C3orf70: variants seen among roughly 807,000 people sequenced by gnomAD.
The protein encoded by C3orf70 is chromosome 3 open reading frame 70.
C3orf70 carries 15 observed loss-of-function variants against 20.7 expected under a neutral mutation model. The ratio of observed to expected loss-of-function variants is 0.72; its 90% confidence interval spans 0.48 to 1.11. The LOEUF (loss-of-function observed/expected upper bound fraction) is 1.11. Ranked by LOEUF, C3orf70 falls within the 50% of genes most tolerant of loss-of-function variation. The probability of loss-of-function intolerance (pLI) is 0.00; values close to 1 mark genes in which losing one functional copy is unlikely to be tolerated. For missense variants in C3orf70, 332 were observed against 317.6 expected, an observed-to-expected ratio of 1.05 and a Z score of -0.34; for synonymous variants, 161 against 125.7, an observed-to-expected ratio of 1.28 and a Z score of -1.88.
At chr3:185,098,539 T>C (rs939371874) in intron 1 of C3orf70, among the ~76,000 whole-genome samples, 1 of 152,192 alleles carries the variant, frequency 6.6e-6, no homozygotes, top group Non-Finnish European at 1.5e-5. Flanking sequence ...AATCTATAGT[T>C]TTCCCATAAA....
intron 1 of C3orf70, 116 bp downstream of exon 1, chr3:185,152,512 G>T: frequency 1.1e-6 from 1 of 873,594 alleles, no homozygotes; most frequent in Non-Finnish European, 1.6e-6. Flanking sequence ...CTCCGGCAGA[G>T]CAGCCCCGGC....
intron 1 of C3orf70, among the ~76,000 whole-genome samples, chr3:185,140,592 C>T (rs35448490): frequency 0.059 from 9,005 of 151,858 alleles, 373 homozygotes; most frequent in South Asian, 0.1. Flanking sequence ...GGAAGTGGGG[C>T]CTTTGGGAAG....
intron 1 of C3orf70, among the ~76,000 whole-genome samples, chr3:185,125,611 C>T (rs1716394873): frequency 6.6e-6 from 1 of 152,122 alleles, no homozygotes; most frequent in Non-Finnish European, 1.5e-5. Flanking sequence ...TATCCACCAG[C>T]TGATGAATGT....
chr3:185,148,942 G>T (rs1192765015), intron 1 of C3orf70, among the ~76,000 whole-genome samples: 2 of 152,124 alleles, frequency 1.3e-5, no homozygotes, highest in Non-Finnish European at 2.9e-5. Context: ...TATTTCACAA[G>T]ATTAAAATCA....
intron 1 of C3orf70, among the ~76,000 whole-genome samples, chr3:185,125,330 A>C (rs1016058334): frequency 6.6e-6 from 1 of 152,042 alleles, no homozygotes; most frequent in African/African-American, 2.4e-5. Context: ...CGGTGAGCTG[A>C]CACCATGCCA....
chr3:185,084,966 CA>C (rs537619504), intron 1 of C3orf70, among the ~76,000 whole-genome samples: 277 of 152,290 alleles, frequency 1.8e-3, no homozygotes, highest in African/African-American at 6.4e-3. Flanking sequence ...TTAACCTTAG[CA>C]CTACCTGCAT....
At chr3:185,101,366 T>C (rs1423490766) in intron 1 of C3orf70, among the ~76,000 whole-genome samples, 1 of 152,166 alleles carries the variant, frequency 6.6e-6, no homozygotes, top group Non-Finnish European at 1.5e-5. Flanking sequence ...GGAATGCAAG[T>C]TTGGATCAAC....
intron 1 of C3orf70, among the ~76,000 whole-genome samples, chr3:185,123,185 A>G (rs1401710275): frequency 6.6e-6 from 1 of 151,006 alleles, no homozygotes; most frequent in Non-Finnish European, 1.5e-5. Context: ...TCTCAAAAAA[A>G]AAAAAAAAAA....
At chr3:185,087,563 G>GT (rs1245564653) in intron 1 of C3orf70, among the ~76,000 whole-genome samples, 3 of 152,310 alleles carry the variant, frequency 2.0e-5, no homozygotes, top group Admixed American at 2.0e-4. Flanking sequence ...GCCTGTCACA[G>GT]TAAGACAAAT....
chr3:185,114,867 A>G (rs373733699), intron 1 of C3orf70, among the ~76,000 whole-genome samples: 3 of 148,744 alleles, frequency 2.0e-5, no homozygotes, highest in Admixed American at 6.7e-5. Flanking sequence ...AATTATGGGG[A>G]AAAAAAGGGA....
chr3:185,093,216 G>C (rs1577319455), intron 1 of C3orf70, among the ~76,000 whole-genome samples: 1 of 152,186 alleles, frequency 6.6e-6, no homozygotes. Flanking sequence ...TACAGGGCAG[G>C]AGCCCTTTAC....
chr3:185,119,177 C>T (rs1244967322), intron 1 of C3orf70, among the ~76,000 whole-genome samples: 1 of 152,112 alleles, frequency 6.6e-6, no homozygotes, highest in Non-Finnish European at 1.5e-5. Context: ...CACATTTGCC[C>T]ACATTTTAGT....
At chr3:185,113,927 T>TG (rs1716125818) in intron 1 of C3orf70, among the ~76,000 whole-genome samples, 1 of 152,146 alleles carries the variant, frequency 6.6e-6, no homozygotes, top group Admixed American at 6.5e-5. Context: ...GGGCCGGGCG[T>TG]GGTGGCTCAC....
At chr3:185,092,593 A>G (rs1347371140) in intron 1 of C3orf70, among the ~76,000 whole-genome samples, 1 of 152,256 alleles carries the variant, frequency 6.6e-6, no homozygotes, top group Non-Finnish European at 1.5e-5. Context: ...CTTACACTCT[A>G]GGACAGTATG....
intron 1 of C3orf70, among the ~76,000 whole-genome samples, chr3:185,126,279 C>T (rs931729686): frequency 2.0e-5 from 3 of 152,122 alleles, no homozygotes; most frequent in African/African-American, 7.2e-5. Flanking sequence ...CTGCCAATGT[C>T]TTTGTATAGC....
intron 1 of C3orf70, among the ~76,000 whole-genome samples, chr3:185,127,720 G>A (rs893437013): frequency 1.3e-5 from 2 of 152,010 alleles, no homozygotes; most frequent in Admixed American, 6.6e-5. Flanking sequence ...GATTACAGGC[G>A]TGAGCCACCA....
At chr3:185,125,762 T>G (rs1716397383) in intron 1 of C3orf70, among the ~76,000 whole-genome samples, 1 of 152,220 alleles carries the variant, frequency 6.6e-6, no homozygotes, top group South Asian at 2.1e-4. Flanking sequence ...TCCATTTATA[T>G]AACATCCTGG....
intron 1 of C3orf70, among the ~76,000 whole-genome samples, chr3:185,137,783 T>C (rs1716658374): frequency 6.6e-6 from 1 of 152,128 alleles, no homozygotes; most frequent in Non-Finnish European, 1.5e-5. Context: ...CAAATGCATA[T>C]ATTAGAAAGA....
chr3:185,085,165 G>A (rs541264282), intron 1 of C3orf70, among the ~76,000 whole-genome samples: 9 of 152,278 alleles, frequency 5.9e-5, no homozygotes, highest in East Asian at 3.9e-4. Flanking sequence ...TTTTGCAGGC[G>A]AATTACTCAT....
Sources: gnomAD v4.1 joint callset for allele counts (sites outside exome capture counted in the v4.1 genomes callset) on GRCh38, gnomAD v4.1.1 for gene constraint, MANE v1.5 for transcripts, NCBI Gene and HGNC (gene_info 2026-07-23, HGNC 2026-07-21) for gene names.